UGT2B7: variants seen among roughly 807,000 people sequenced by gnomAD.
The protein encoded by UGT2B7 is UDP glucuronosyltransferase family 2 member B7.
In UGT2B7, 51 loss-of-function variants were observed where a neutral mutation model predicts 51.9. The ratio of observed to expected loss-of-function variants is 0.98; its 90% confidence interval spans 0.78 to 1.24. The LOEUF (loss-of-function observed/expected upper bound fraction) is 1.24. UGT2B7 is among the 50% of genes most tolerant of loss of function. The probability of loss-of-function intolerance (pLI) is 0.00; values close to 1 mark genes in which losing one functional copy is unlikely to be tolerated. For synonymous variants in UGT2B7, 225 were observed against 211.6 expected (o/e 1.06, Z -0.55); for missense variants, 727 against 628.4 (o/e 1.16, Z -1.68).
intron 1 of UGT2B7, among the ~76,000 whole-genome samples, chr4:69,074,312 G>A (rs1327317472): frequency 6.6e-6 from 1 of 151,820 alleles, no homozygotes; most frequent in Admixed American, 6.6e-5. Context: ...CTGCACTCCA[G>A]CCTGGACAGC....
rs1560499772 is a variant in UGT2B7 at position 69,064,100 on chromosome 4, A to AG, written c.-159+12498_-159+12499insG. Among the ~76,000 whole-genome samples the AG allele has an allele frequency of 3.8e-3, 396 of 104,698 alleles. 16 individuals carry two copies. The highest frequency in any genetic ancestry group is 0.012 in the East Asian group (37 of 3,110). 68.7% of individuals were successfully genotyped at this position (104,698 alleles called of 152,430 possible). ...AGAAAGAAAGAAAGAAAGAAAGAGA[A>AG]AGAAAGAAAGAAAAAGAAAGAAAGA... On this transcript the variant is annotated intron_variant, in intron 1 of 5. Transcript: ENST00000502942.
intron 1 of UGT2B7, among the ~76,000 whole-genome samples, chr4:69,063,059 C>T (rs1352017339): frequency 6.6e-6 from 1 of 151,366 alleles, no homozygotes; most frequent in Non-Finnish European, 1.5e-5. Context: ...ATTGCTCACG[C>T]CTGTAATCCC....
intron 3 of UGT2B7, among the ~76,000 whole-genome samples, chr4:69,105,001 G>C (rs1422847277): frequency 6.6e-6 from 1 of 152,090 alleles, no homozygotes; most frequent in Admixed American, 6.6e-5. Flanking sequence ...TACCCACATA[G>C]CCAGATAGAT....
intron 5 of UGT2B7, among the ~76,000 whole-genome samples, chr4:69,111,094 T>G (rs1224788118): frequency 6.6e-6 from 1 of 151,906 alleles, no homozygotes; most frequent in Non-Finnish European, 1.5e-5. Flanking sequence ...GAGAGAGTAC[T>G]CCAAGAGCGG....
upstream of UGT2B7, chr4:69,096,371 C>T: frequency 8.0e-7 from 1 of 1,257,734 alleles, no homozygotes; most frequent in Non-Finnish European, 1.1e-6. Context: ...TTGCCATCCA[C>T]ATGCTCAGAC....
intron 1 of UGT2B7, among the ~76,000 whole-genome samples, chr4:69,053,779 G>C (rs1329842883): frequency 6.6e-6 from 1 of 152,128 alleles, no homozygotes; most frequent in Non-Finnish European, 1.5e-5. Context: ...GTCAGCCGTT[G>C]TTCATCCCCG....
chr4:69,095,451 G>C (rs574035408), upstream of UGT2B7, among the ~76,000 whole-genome samples: 1 of 152,330 alleles, frequency 6.6e-6, no homozygotes, highest in South Asian at 2.1e-4. Context: ...GACCAGCCGA[G>C]TCAGTAGTTT....
chr4:69,085,691 A>C (rs1403429872), intron 1 of UGT2B7, among the ~76,000 whole-genome samples: 1 of 151,714 alleles, frequency 6.6e-6, no homozygotes, highest in Non-Finnish European at 1.5e-5. Context: ...AGTTCTTATT[A>C]CTGCTTCAGT....
intron 5 of UGT2B7, among the ~76,000 whole-genome samples, chr4:69,109,773 G>T (rs1376321773): frequency 1.3e-5 from 2 of 151,928 alleles, no homozygotes; most frequent in Admixed American, 1.3e-4. Context: ...ATATCAATGT[G>T]CAAAATTCCT....
chr4:69,059,004 G>T (rs1434545891), intron 1 of UGT2B7, among the ~76,000 whole-genome samples: 1 of 152,100 alleles, frequency 6.6e-6, no homozygotes, highest in East Asian at 1.9e-4. Context: ...AAGGAGAAGG[G>T]TCAGGGCCAT....
At position 69,112,968 on chromosome 4, in the gene UGT2B7, A is replaced by C; in HGVS notation, c.*232A>C. On this transcript the variant is annotated 3_prime_UTR_variant, in exon 6 of 6. Coordinates refer to ENST00000305231, the MANE Select transcript of UGT2B7 (RefSeq NM_001074.4). ...AATGAAGAAAACACTACGGAAAATAAAAAATAAGATAAAGCCTTATGAGCT... is the reference window on the plus strand; with the variant it reads ...AATGAAGAAAACACTACGGAAAATACAAAATAAGATAAAGCCTTATGAGCT... 1.9e-6 allele frequency: 1 copy of C among 517,854 alleles called. No individual in the cohort carries two copies. Among genetic ancestry groups the C allele is most frequent in the Non-Finnish European group, 3.1e-6 (1 of 327,000 alleles). The allele number at this position is 517,854 out of a possible 1,614,324, so 32.1% of individuals were successfully genotyped here.
intron 3 of UGT2B7, among the ~76,000 whole-genome samples, chr4:69,105,725 A>G (rs932992755): frequency 6.6e-6 from 1 of 152,202 alleles, no homozygotes; most frequent in Non-Finnish European, 1.5e-5. Context: ...ACCACCTGAA[A>G]TTTATTTTGG....
chr4:69,099,045 C>T (rs1379648841), intron 2 of UGT2B7, among the ~76,000 whole-genome samples: 1 of 151,850 alleles, frequency 6.6e-6, no homozygotes, highest in Non-Finnish European at 1.5e-5. Flanking sequence ...AAAATAGACA[C>T]AGTTTCTGTC....
At chr4:69,104,637 T>G (rs1366674322) in intron 3 of UGT2B7, among the ~76,000 whole-genome samples, 1 of 152,148 alleles carries the variant, frequency 6.6e-6, no homozygotes, top group Non-Finnish European at 1.5e-5. Context: ...TGATCAAGAA[T>G]AAATTTATTC....
chr4:69,061,285 G>C (rs186092753), intron 1 of UGT2B7, among the ~76,000 whole-genome samples: 4 of 152,328 alleles, frequency 2.6e-5, no homozygotes, highest in African/African-American at 9.6e-5. Flanking sequence ...TGGAGGTAAA[G>C]AAATAAAGTG....
At chr4:69,075,918 A>G (rs552365678) in intron 1 of UGT2B7, among the ~76,000 whole-genome samples, 1 of 152,064 alleles carries the variant, frequency 6.6e-6, no homozygotes, top group East Asian at 1.9e-4. Flanking sequence ...TCCTAATGCT[A>G]TTCCACCCCT....
chr4:69,078,722 C>T (rs915654967), intron 1 of UGT2B7, among the ~76,000 whole-genome samples: 5 of 152,070 alleles, frequency 3.3e-5, no homozygotes, highest in African/African-American at 1.2e-4. Flanking sequence ...TTTTGTGCTT[C>T]CTGAAGTTCA....
intron 1 of UGT2B7, among the ~76,000 whole-genome samples, chr4:69,073,204 C>T (rs1175316780): frequency 6.6e-6 from 1 of 152,102 alleles, no homozygotes; most frequent in East Asian, 1.9e-4. Flanking sequence ...ATACTCCCAA[C>T]AAATCAACAC....
rs778615217 is a variant in UGT2B7 at position 69,074,815 on chromosome 4, G to A, written c.-158-14657G>A. On this transcript the variant is annotated intron_variant, in intron 1 of 5. Transcript: ENST00000502942. The stretch of plus-strand genomic sequence containing the variant: ...TCACAAGCATCTATTCATAGAATTC[G>A]TTCCAATTTTAACAACTGGTGGACA... Among the ~76,000 whole-genome samples, 24 of 151,980 alleles carry A rather than the reference G, an allele frequency of 1.6e-4. No individual in the cohort carries two copies. In the South Asian group the frequency reaches 1.7e-3, roughly 11 times the overall value.
Sources: allele counts gnomAD v4.1 joint callset (sites outside exome capture counted in the v4.1 genomes callset), GRCh38; gene constraint gnomAD v4.1.1; transcripts MANE v1.5; gene names NCBI Gene and HGNC (gene_info 2026-07-23, HGNC 2026-07-21).